CASP10: variants seen among roughly 807,000 people sequenced by gnomAD.
CASP10 encodes the protein caspase 10.
In CASP10, 41 loss-of-function variants were observed where a neutral mutation model predicts 48.5. That is an observed-to-expected ratio of 0.85 (90% confidence interval 0.66 to 1.10). The LOEUF is 1.10. Among genes scored for constraint, CASP10 ranks in the 50% least tolerant of loss-of-function variants. The pLI is 0.00. For missense variants in CASP10, 614 were observed against 614.5 expected (o/e 1.00, Z 0.01); for synonymous variants, 232 against 238.4 (o/e 0.97, Z 0.25).
intron 5 of CASP10, chr2:201,200,507 T>C (rs1244004535): frequency 8.1e-6 from 13 of 1,598,164 alleles, no homozygotes; most frequent in Non-Finnish European, 1.1e-5. Context: ...CTGTAGCTCC[T>C]GGAGCTTGGC....
intron 1 of CASP10, 42 bp from the exon 2 acceptor site, chr2:201,185,729 C>T (rs199511092): frequency 7.5e-7 from 1 of 1,328,386 alleles, no homozygotes; most frequent in Admixed American, 1.7e-5. Flanking sequence ...GCCATATGTC[C>T]TCACTCTCTA....
chr2:201,219,555 A>C lies in CASP10; in HGVS notation c.*1814A>C. The C allele has an allele frequency of 1.0e-6, 1 of 985,454 alleles. No individual in the cohort carries two copies. Among genetic ancestry groups the C allele is most frequent in the Non-Finnish European group, 1.2e-6 (1 of 829,992 alleles). The allele number at this position is 985,454 out of a possible 1,614,324, so 61.0% of individuals were successfully genotyped here. The stretch of plus-strand genomic sequence containing the variant: ...TGCTCCTCTGGCCCAAGGCATGAGG[A>C]GAGAGGCTGTGTCAGAAACTGAAGC... On this transcript the variant is annotated 3_prime_UTR_variant, in exon 10 of 10. Transcript: ENST00000286186.
chr2:201,212,594 G>A (rs1341183559), intron 9 of CASP10: 1 of 152,220 alleles, frequency 6.6e-6, no homozygotes, highest in Admixed American at 6.5e-5. Context: ...GAGGGCTGCT[G>A]TGTTAGCATC....
chr2:201,226,614 C>T (rs1401732458), downstream of CASP10, among the ~76,000 whole-genome samples: 1 of 151,464 alleles, frequency 6.6e-6, no homozygotes, highest in Non-Finnish European at 1.5e-5. Context: ...CGCCTGGCCC[C>T]AAAAGAAATC....
chr2:201,220,273 GC>G lies in CASP10; in HGVS notation c.*2534del. 4.5e-6 allele frequency: 2 copies of G among 448,108 alleles called. No individual in the cohort carries two copies. Among genetic ancestry groups the G allele is most frequent in the Non-Finnish European group, 5.9e-6 (2 of 341,584 alleles). 27.8% of individuals were successfully genotyped at this position (448,108 alleles called of 1,614,324 possible). On this transcript the variant is annotated 3_prime_UTR_variant, in exon 10 of 10. Coordinates refer to ENST00000286186, the MANE Select transcript of CASP10 (RefSeq NM_032977.4). The stretch of plus-strand genomic sequence containing the variant: ...ATCACTTCTTTTCTAACAGCGAGCA[GC>G]CAGAAAGAGAAGAGAGTAAAATACA...
chr2:201,199,511 C>CAATAT (rs1382346761), intron 5 of CASP10, among the ~76,000 whole-genome samples: 1 of 147,360 alleles, frequency 6.8e-6, no homozygotes, highest in African/African-American at 2.5e-5. Flanking sequence ...ATTAAAAATA[C>CAATAT]AATATAATAC....
At chr2:201,191,838 C>A (rs1944622730) in intron 3 of CASP10, among the ~76,000 whole-genome samples, 1 of 152,182 alleles carries the variant, frequency 6.6e-6, no homozygotes, top group Non-Finnish European at 1.5e-5. Flanking sequence ...GCACAGCAAT[C>A]AGCATACAAC....
chr2:201,204,912 C>G (rs1945147470), intron 6 of CASP10, among the ~76,000 whole-genome samples: 1 of 152,166 alleles, frequency 6.6e-6, no homozygotes, highest in Non-Finnish European at 1.5e-5. Context: ...ATTTTCTGGT[C>G]TGGGGAATAT....
chr2:201,216,514 C>A (rs890271191), intron 9 of CASP10, among the ~76,000 whole-genome samples: 6 of 152,020 alleles, frequency 3.9e-5, no homozygotes, highest in Admixed American at 2.0e-4. Context: ...GAATAGAGAG[C>A]AGGTGCAAAG....
intron 9 of CASP10, chr2:201,213,355 T>TTAGTA (rs1945464556): frequency 6.6e-6 from 1 of 152,194 alleles, no homozygotes; most frequent in African/African-American, 2.4e-5. Flanking sequence ...TGTATGAGTA[T>TTAGTA]TAGTATGTTT....
chr2:201,208,233 T>C, intron 8 of CASP10, 50 bp downstream of exon 8: 1 of 1,577,728 alleles, frequency 6.3e-7, no homozygotes, highest in African/African-American at 1.4e-5. Context: ...GATCTTAAAA[T>C]TATTTTTTAT....
downstream of CASP10, among the ~76,000 whole-genome samples, chr2:201,221,944 G>A (rs41368545): frequency 6.9e-3 from 1,052 of 152,278 alleles, 17 homozygotes; most frequent in African/African-American, 0.024. Context: ...CTCCGTAGGA[G>A]GGGTACACAG....
At position 201,187,752 on chromosome 2, in the gene CASP10, A is replaced by G; in HGVS notation, c.394A>G (p.Lys132Glu). ...LSEGIDSENL[K>E]DMIFLLKDSL... ...AGAAGGCATTGACTCAGAGAACTTA[A>G]AGGACATGATCTTCCTTCTGAAAGA... Residue 132 changes from lysine (K) to glutamate (E), a missense_variant, in exon 3 of 10, where the codon AAG becomes GAG. Coordinates refer to ENST00000286186, the MANE Select transcript of CASP10 (RefSeq NM_032977.4). 6.2e-7 allele frequency: 1 copy of G among 1,614,124 alleles called. No homozygotes were observed. The highest frequency in any genetic ancestry group is 8.5e-7 in the Non-Finnish European group (1 of 1,180,006).
At chr2:201,198,464 A>T (rs1281924445) in intron 5 of CASP10, among the ~76,000 whole-genome samples, 2 of 149,940 alleles carry the variant, frequency 1.3e-5, no homozygotes, top group Non-Finnish European at 3.0e-5. Context: ...ACCTCAAGTG[A>T]TCTGCCTACC....
Position 201,217,722 on chromosome 2 carries a change from T to C in CASP10, c.1550T>C (p.Leu517Pro). 6.2e-7 allele frequency: 1 copy of C among 1,614,036 alleles called. No individual in the cohort carries two copies. Among genetic ancestry groups the C allele is most frequent in the Non-Finnish European group, 8.5e-7 (1 of 1,179,942 alleles). Residue 517 changes from leucine to proline, a missense_variant, in exon 10 of 10, where the codon CTG (leucine) becomes CCG (proline). Leu to Pro is a moderately conservative substitution (Grantham distance 98). Transcript: ENST00000286186. Reference sequence around the variant, plus strand: ...AAAAAACTAGTATTCCCTGTGCCCCTGGATGCACTTTCATTATAGCAGAGA... The same window carrying C: ...AAAAAACTAGTATTCCCTGTGCCCCCGGATGCACTTTCATTATAGCAGAGA... ...LRKKLVFPVPLDALSL is the reference protein window; with the variant it reads ...LRKKLVFPVPPDALSL
Position 201,219,268 on chromosome 2 carries a change from T to A in CASP10, c.*1527T>A. 1.2e-5 allele frequency: 3 copies of A among 258,598 alleles called. No homozygotes were observed. The highest frequency in any genetic ancestry group is 1.8e-5 in the Non-Finnish European group (3 of 166,404). The allele number at this position is 258,598 out of a possible 1,614,324, so 16.0% of individuals were successfully genotyped here. On this transcript the variant is annotated 3_prime_UTR_variant, in exon 10 of 10. Transcript: ENST00000286186. The stretch of plus-strand genomic sequence containing the variant: ...TTGGGCAACAGGGCGAGACCTTGTT[T>A]AAAAAAAAAATTCAATATTGGGGTT...
Position 201,192,991 on chromosome 2 carries a change from T to C in CASP10, c.449T>C (p.Leu150Pro). 1.2e-6 allele frequency: 2 copies of C among 1,613,446 alleles called. No individual in the cohort carries two copies. Among genetic ancestry groups the C allele is most frequent in the Non-Finnish European group, 8.5e-7 (1 of 1,179,554 alleles). Residue 150 changes from leucine (L) to proline (P), a missense_variant, in exon 4 of 10, where the codon CTA becomes CCA. Transcript: ENST00000286186. ...DSLPKTEMTS[L>P]SFLAFLEKQG... Reference sequence around the variant, plus strand: ...CTATTGATTCTCTTGTAGACCTCCCTAAGTTTCCTGGCATTTCTAGAGAAA... The same window carrying C: ...CTATTGATTCTCTTGTAGACCTCCCCAAGTTTCCTGGCATTTCTAGAGAAA...
At chr2:201,187,591 C>A in intron 2 of CASP10, 115 bp from the exon 3 acceptor site, 1 of 825,568 alleles carries the variant, frequency 1.2e-6, no homozygotes, top group South Asian at 1.3e-5. Context: ...TAATAATTGT[C>A]TACACATAGA....
At chr2:201,206,163 T>G in intron 7 of CASP10, 190 bp downstream of exon 7, 1 of 516,376 alleles carries the variant, frequency 1.9e-6, no homozygotes. Flanking sequence ...CACCTTTTTC[T>G]GTATCAATCA....
Sources: allele counts gnomAD v4.1 joint callset (sites outside exome capture counted in the v4.1 genomes callset), GRCh38; gene constraint gnomAD v4.1.1; transcripts MANE v1.5; gene names NCBI Gene and HGNC (gene_info 2026-07-23, HGNC 2026-07-21).